The following BEAN1 variants were observed in gnomAD, a reference collection of about 807,000 sequenced individuals.
BEAN1 encodes protein BEAN1.
In BEAN1, 17 loss-of-function variants were observed where a neutral mutation model predicts 17.7. The observed-to-expected ratio is 0.96, with a 90% CI of 0.66 to 1.44. BEAN1 has a LOEUF of 1.44. Ranked by LOEUF, BEAN1 falls within the 40% of genes most tolerant of loss-of-function variation. The pLI is 0.00. For missense variants in BEAN1, 359 were observed against 374.1 expected (o/e 0.96, Z 0.33); for synonymous variants, 142 against 151.8 (o/e 0.94, Z 0.47).
At chr16:66,489,325 A>G (rs1964133330) in intron 4 of BEAN1, among the ~76,000 whole-genome samples, 1 of 152,200 alleles carries the variant, frequency 6.6e-6, no homozygotes, top group African/African-American at 2.4e-5. Flanking sequence ...CTTGGTTCAT[A>G]AGATGAGAGG....
Position 66,469,772 on chromosome 16 carries a change from C to A in BEAN1, c.196C>A (p.Arg66=). ...CAGCATCCGCAGGGACAGGCAGGCC[C>A]GGCTTCAGCGGCACCGCCACCGCCA... ...VGSIRRDRQA[R]LQRHRHRHHR... The change falls in exon 3 of 5, where the codon CGG becomes AGG. Residue 66 remains arginine, a synonymous_variant. Transcript: ENST00000536005. 1 of 1,536,074 alleles carries A rather than the reference C, an allele frequency of 6.5e-7. No individual in the cohort carries two copies. Among genetic ancestry groups the A allele is most frequent in the Non-Finnish European group, 8.7e-7 (1 of 1,146,910 alleles).
chr16:66,480,925 A>G lies in BEAN1; in HGVS notation c.780A>G (p.Ter260TrpextTer59), dbSNP rs774121549. The G allele has an allele frequency of 6.9e-7, 1 of 1,444,926 alleles. No individual in the cohort carries two copies. The highest frequency in any genetic ancestry group is 1.4e-5 in the African/African-American group (1 of 69,826). The allele number at this position is 1,444,926 out of a possible 1,614,324, so 89.5% of individuals were successfully genotyped here. A position where few individuals can be genotyped will look rare whatever the true frequency, so the allele number is the denominator to read the frequency against. The change falls in exon 5 of 5, where the codon TGA becomes TGG. Residue 260 changes from the stop codon to tryptophan (W), a stop_lost. Transcript: ENST00000536005. ...CCTCTGGCCCAGAGAGGATTGTGTGAGGGACCCAGCCAGCCGGGTCCTGCT... is the reference window on the plus strand; with the variant it reads ...CCTCTGGCCCAGAGAGGATTGTGTGGGGGACCCAGCCAGCCGGGTCCTGCT... ...APASGPERIV* is the reference protein window; with the variant it reads ...APASGPERIVW
Position 66,473,030 on chromosome 16 carries a change from T to TA in BEAN1, c.289+3172dup, listed in dbSNP as rs904269849. ...GAGAGAGACCCTGTCTCTAAAAAAATAAAAAAATTAAGACTGGGAAACTGA... is the reference window on the plus strand; with the variant it reads ...GAGAGAGACCCTGTCTCTAAAAAAATAAAAAAAATTAAGACTGGGAAACTGA... On this transcript the variant is annotated intron_variant, in intron 3 of 4. Coordinates refer to ENST00000536005, the MANE Select transcript of BEAN1 (RefSeq NM_001178020.3). This position sits in a 1 kb window ranked among gnomAD's most constrained non-coding sequence, Gnocchi z 4.5. Among the ~76,000 whole-genome samples the TA allele has an allele frequency of 2.0e-4, 31 of 151,934 alleles. No homozygotes were observed. Among genetic ancestry groups the TA allele is most frequent in the African/African-American group, 7.5e-4 (31 of 41,422 alleles).
At chr16:66,477,203 C>A (rs770717426) in intron 3 of BEAN1, among the ~76,000 whole-genome samples, 4 of 152,188 alleles carry the variant, frequency 2.6e-5, no homozygotes, top group Non-Finnish European at 5.9e-5. Context: ...AGGAAGCCCT[C>A]CCTGACTTCC....
At chr16:66,469,089 T>A (rs1963366324) in intron 2 of BEAN1, among the ~76,000 whole-genome samples, 1 of 152,104 alleles carries the variant, frequency 6.6e-6, no homozygotes, top group Admixed American at 6.5e-5. Flanking sequence ...TCTCATCTGA[T>A]CCAAGCCCCT....
intron 2 of BEAN1, among the ~76,000 whole-genome samples, chr16:66,453,221 T>C (rs1962741488): frequency 6.6e-6 from 1 of 152,116 alleles, no homozygotes; most frequent in African/African-American, 2.4e-5. Context: ...TCGAGGCCTT[T>C]CTTCTTTTCC....
intron 2 of BEAN1, among the ~76,000 whole-genome samples, chr16:66,445,688 G>A (rs778018072): frequency 6.6e-6 from 1 of 152,024 alleles, no homozygotes; most frequent in East Asian, 1.9e-4. Flanking sequence ...TGAAGGCCAG[G>A]GTGCCTGAAG....
At position 66,480,603 on chromosome 16, in the gene BEAN1, G is replaced by A; in HGVS notation, c.458G>A (p.Gly153Glu). Residue 153 changes from glycine (G) to glutamate (E), a missense_variant, in exon 5 of 5, where the codon GGG (glycine) becomes GAG (glutamate). Coordinates refer to ENST00000536005, the MANE Select transcript of BEAN1 (RefSeq NM_001178020.3). ...TCTCGTAGCTACGAGGAGTGTGTGG[G>A]GCCAGGGGCCACTCAGCTGTATGTC... ...DSPPGYEECV[G>E]PGATQLYVPT... 6.5e-7 allele frequency: 1 copy of A among 1,542,564 alleles called. No homozygotes were observed. The highest frequency in any genetic ancestry group is 8.8e-7 in the Non-Finnish European group (1 of 1,140,160).
At chr16:66,484,955 G>A (rs754399728), downstream of BEAN1, 9 of 454,130 alleles carry the variant, frequency 2.0e-5, no homozygotes, top group South Asian at 1.2e-4. This position sits in a 1 kb window ranked among gnomAD's most constrained non-coding sequence, Gnocchi z 4.2. Context: ...GGGAGTCACC[G>A]TGCTGGCGAT....
In BEAN1 at chr16:66,439,609, G is replaced by A. The variant is rs565037415; in HGVS notation, c.25+1908G>A. On this transcript the variant is annotated intron_variant, in intron 2 of 4. Transcript: ENST00000536005. ...CATATCCACCTCCTGAGGACTCCAGGGTGTGGTCACTGACATTCGAGGCCA... is the reference window on the plus strand; with the variant it reads ...CATATCCACCTCCTGAGGACTCCAGAGTGTGGTCACTGACATTCGAGGCCA... Among the ~76,000 whole-genome samples, 361 of 127,954 alleles carry A rather than the reference G, an allele frequency of 2.8e-3. 1 individual carries two copies. The highest frequency in any genetic ancestry group is 7.7e-3 in the African/African-American group (304 of 39,336). The allele number at this position is 127,954 out of a possible 152,430, so 83.9% of individuals were successfully genotyped here. A position where few individuals can be genotyped will look rare whatever the true frequency, so the allele number is the denominator to read the frequency against.
intron 4 of BEAN1, among the ~76,000 whole-genome samples, chr16:66,492,044 A>T (rs1225137147): frequency 6.6e-6 from 1 of 151,798 alleles, no homozygotes; most frequent in Non-Finnish European, 1.5e-5. Context: ...GTTGTTTTTC[A>T]TTTTGTTTTG....
At chr16:66,447,069 A>G (rs900829900) in intron 2 of BEAN1, among the ~76,000 whole-genome samples, 3 of 152,152 alleles carry the variant, frequency 2.0e-5, no homozygotes, top group African/African-American at 7.2e-5. Flanking sequence ...CAAGAGTTTG[A>G]GATCAGCCTG....
At chr16:66,489,584 A>G (rs1964136910) in intron 4 of BEAN1, among the ~76,000 whole-genome samples, 1 of 152,200 alleles carries the variant, frequency 6.6e-6, no homozygotes, top group Non-Finnish European at 1.5e-5. Flanking sequence ...TGTTGTGGGT[A>G]GTGACTATCT....
chr16:66,433,473 G>A (rs559034497), intron 1 of BEAN1, among the ~76,000 whole-genome samples: 6 of 152,192 alleles, frequency 3.9e-5, no homozygotes, highest in South Asian at 2.1e-4. Context: ...TGCAGTCACC[G>A]TTGCCTTTGT....
At chr16:66,456,560 T>C (rs1962875594) in intron 2 of BEAN1, among the ~76,000 whole-genome samples, 1 of 152,190 alleles carries the variant, frequency 6.6e-6, no homozygotes, top group Middle Eastern at 3.2e-3. Context: ...GAGAAGAGAA[T>C]ATGAGCAGGT....
At chr16:66,469,921 C>G (rs527619083) in intron 3 of BEAN1, 56 bp downstream of exon 3, 2 of 1,507,344 alleles carry the variant, frequency 1.3e-6, no homozygotes, top group Admixed American at 2.1e-5. Context: ...GATTGCAACA[C>G]AGGAGGCATC....
At chr16:66,463,336 C>T (rs3886704) in intron 2 of BEAN1, among the ~76,000 whole-genome samples, 1 of 152,202 alleles carries the variant, frequency 6.6e-6, no homozygotes, top group Non-Finnish European at 1.5e-5. Flanking sequence ...TTATAGCCAT[C>T]CTACTGGGTG....
At chr16:66,445,215 A>G (rs1182669884) in intron 2 of BEAN1, among the ~76,000 whole-genome samples, 2 of 151,690 alleles carry the variant, frequency 1.3e-5, no homozygotes, top group African/African-American at 4.8e-5. Context: ...GGTGGCTCAC[A>G]CCTGTAATCC....
Position 66,481,050 on chromosome 16 carries a change from GT to G in BEAN1, c.*126del. On this transcript the variant is annotated 3_prime_UTR_variant, in exon 5 of 5. Coordinates refer to ENST00000536005, the MANE Select transcript of BEAN1 (RefSeq NM_001178020.3). This position sits in a 1 kb window ranked among gnomAD's most constrained non-coding sequence, Gnocchi z 4.1. The stretch of plus-strand genomic sequence containing the variant: ...CATAACACACACATAGACCAAACTT[GT>G]ATACACACAGACATCTACACTGACA... 2 of 691,466 alleles carry G rather than the reference GT, an allele frequency of 2.9e-6. No individual in the cohort carries two copies. Among genetic ancestry groups the G allele is most frequent in the South Asian group, 6.9e-5 (2 of 29,190 alleles). The allele number at this position is 691,466 out of a possible 1,614,324, so 42.8% of individuals were successfully genotyped here.
Sources: gnomAD v4.1 joint callset for allele counts (sites outside exome capture counted in the v4.1 genomes callset) on GRCh38, gnomAD v4.1.1 for gene constraint, Gnocchi (gnomAD v3.1) non-coding constraint, MANE v1.5 for transcripts, NCBI Gene and HGNC (gene_info 2026-07-23, HGNC 2026-07-21) for gene names.